The following TEKT3 variants were observed in gnomAD, a reference collection of about 807,000 sequenced individuals.
TEKT3 encodes the protein tektin-3.
In TEKT3, 49 loss-of-function variants were observed where a neutral mutation model predicts 49.8. The ratio of observed to expected loss-of-function variants is 0.98; its 90% CI spans 0.78 to 1.25. TEKT3 has a LOEUF of 1.25. Among genes scored for constraint, TEKT3 ranks in the 50% most tolerant of loss-of-function variants. The pLI is 0.00. For synonymous variants in TEKT3, 225 were observed against 237.2 expected (o/e 0.95, Z 0.47); for missense variants, 595 against 629.5 (o/e 0.95, Z 0.59).
chr17:15,319,995 C>T lies in TEKT3; in HGVS notation c.664-848G>A, dbSNP rs75041146. Among the ~76,000 whole-genome samples the T allele has an allele frequency of 3.8e-3, 581 of 152,256 alleles. 3 individuals are homozygous for T. The highest frequency in any genetic ancestry group is 6.4e-3 in the Non-Finnish European group (438 of 68,016). ...CATTAAAAAGTACTGTGATGAATGA[C>T]CTTGATCAATATTTAGACACCACCG... is the stretch of plus-strand genomic sequence containing the variant. On this transcript the variant is annotated intron_variant, in intron 4 of 8. Coordinates refer to ENST00000395930, the MANE Select transcript of TEKT3 (RefSeq NM_031898.3).
At chr17:15,343,377 T>C (rs1912291623), upstream of TEKT3, among the ~76,000 whole-genome samples, 1 of 152,158 alleles carries the variant, frequency 6.6e-6, no homozygotes, top group East Asian at 1.9e-4. Flanking sequence ...TCAAAAAAAA[T>C]TGTCTCATGA....
chr17:15,329,496 G>A (rs1911627759), intron 3 of TEKT3, among the ~76,000 whole-genome samples: 1 of 152,210 alleles, frequency 6.6e-6, no homozygotes, highest in South Asian at 2.1e-4. Context: ...ATTCTTAAAG[G>A]CAGTCAAGGG....
At chr17:15,342,821 C>G (rs1249921856), upstream of TEKT3, among the ~76,000 whole-genome samples, 1 of 152,220 alleles carries the variant, frequency 6.6e-6, no homozygotes, top group East Asian at 1.9e-4. Flanking sequence ...CAAGACTAGA[C>G]AAGGCTCCCA....
At chr17:15,337,393 G>GA (rs1238197272) in intron 2 of TEKT3, among the ~76,000 whole-genome samples, 5 of 151,888 alleles carry the variant, frequency 3.3e-5, no homozygotes, top group Admixed American at 2.0e-4. Flanking sequence ...ATAAGACAAA[G>GA]AAAAAACAGG....
chr17:15,320,628 C>A (rs1267303415), intron 4 of TEKT3, among the ~76,000 whole-genome samples: 1 of 152,016 alleles, frequency 6.6e-6, no homozygotes, highest in Non-Finnish European at 1.5e-5. Context: ...GAGTGATCAC[C>A]CTACTGTCTG....
chr17:15,310,342 C>A (rs951473952), intron 7 of TEKT3, among the ~76,000 whole-genome samples: 1 of 152,134 alleles, frequency 6.6e-6, no homozygotes, highest in African/African-American at 2.4e-5. Context: ...CCTCTTCCCC[C>A]AAAATTCCTA....
At chr17:15,335,895 G>A (rs916569735) in intron 2 of TEKT3, among the ~76,000 whole-genome samples, 1 of 150,860 alleles carries the variant, frequency 6.6e-6, no homozygotes, top group Admixed American at 6.7e-5. Context: ...AAATTAGTGA[G>A]CTCAGACTTT....
intron 2 of TEKT3, among the ~76,000 whole-genome samples, chr17:15,337,173 A>G (rs1022517803): frequency 9.2e-5 from 14 of 152,196 alleles, no homozygotes; most frequent in Middle Eastern, 6.8e-3. Context: ...AGTATAATAA[A>G]TACAATAGAT....
At position 15,314,142 on chromosome 17, in the gene TEKT3, G is replaced by C; in HGVS notation, c.823C>G (p.Arg275Gly). The C allele has an allele frequency of 6.2e-7, 1 of 1,614,198 alleles. No individual in the cohort carries two copies. The highest frequency in any genetic ancestry group is 8.5e-7 in the Non-Finnish European group (1 of 1,180,034). The change falls in exon 6 of 9, where the codon CGC (arginine) becomes GGC (glycine). Residue 275 changes from arginine to glycine, a missense_variant. Physicochemically the swap from Arg to Gly is moderately radical, Grantham distance 125. Transcript: ENST00000395930. Reference sequence around the variant, plus strand: ...TAGCCGACACCGTCTGATGTGTTGCGCAGGTGGTGGCATTTGTCGTCGATC... The same window carrying C: ...TAGCCGACACCGTCTGATGTGTTGCCCAGGTGGTGGCATTTGTCGTCGATC... The part of the protein sequence containing the change: ...YRIDDKCHHL[R>G]NTSDGVGYFR...
At chr17:15,321,739 A>G (rs1267450191) in intron 4 of TEKT3, among the ~76,000 whole-genome samples, 2 of 152,122 alleles carry the variant, frequency 1.3e-5, no homozygotes, top group African/African-American at 4.8e-5. Context: ...GACTTCATTG[A>G]GCTTCTCAGA....
At chr17:15,338,045 A>T (rs914377432) in intron 2 of TEKT3, among the ~76,000 whole-genome samples, 10 of 152,208 alleles carry the variant, frequency 6.6e-5, no homozygotes, top group Non-Finnish European at 1.3e-4. Context: ...GTAATCATTT[A>T]CCTAACTTTC....
At chr17:15,332,726 A>G (rs1449430962) in intron 2 of TEKT3, among the ~76,000 whole-genome samples, 4 of 152,210 alleles carry the variant, frequency 2.6e-5, no homozygotes, top group Non-Finnish European at 5.9e-5. Flanking sequence ...GGATTAGCAG[A>G]GTGTCGGACA....
chr17:15,314,160 C>T lies in TEKT3; in HGVS notation c.805G>A (p.Asp269Asn), dbSNP rs532026904. The stretch of plus-strand genomic sequence containing the variant: ...GTGTTGCGCAGGTGGTGGCATTTGT[C>T]GTCGATCCGGTAAGCCGTCTGTTTG... ...SDKQTAYRID[D>N]KCHHLRNTSD... Residue 269 changes from aspartate to asparagine, a missense_variant, in exon 6 of 9, where the codon GAC (aspartate) becomes AAC (asparagine). Asp to Asn is a conservative substitution (Grantham distance 23). Coordinates refer to ENST00000395930, the MANE Select transcript of TEKT3 (RefSeq NM_031898.3). The T allele has an allele frequency of 4.3e-6, 7 of 1,614,194 alleles. No homozygotes were observed. The highest frequency in any genetic ancestry group is 1.6e-4 in the Middle Eastern group (1 of 6,062).
chr17:15,313,942 C>CTGGAGACT, intron 6 of TEKT3, 145 bp downstream of exon 6: 1 of 1,108,772 alleles, frequency 9.0e-7, no homozygotes, highest in Non-Finnish European at 1.3e-6. Flanking sequence ...TGCTTGCTTA[C>CTGGAGACT]TGGAGACTTG....
intron 4 of TEKT3, among the ~76,000 whole-genome samples, chr17:15,320,423 T>C (rs532219267): frequency 6.6e-6 from 1 of 152,348 alleles, no homozygotes; most frequent in African/African-American, 2.4e-5. Flanking sequence ...GTTTTATAAA[T>C]GTGCGTGGTG....
chr17:15,318,196 A>G (rs997312821), intron 5 of TEKT3, among the ~76,000 whole-genome samples: 2 of 151,616 alleles, frequency 1.3e-5, no homozygotes, highest in Non-Finnish European at 1.5e-5. Context: ...TCATGGTGTT[A>G]GCCAGGATGG....
At chr17:15,341,088 T>G (rs1912209492) in intron 1 of TEKT3, among the ~76,000 whole-genome samples, 1 of 152,172 alleles carries the variant, frequency 6.6e-6, no homozygotes, top group African/African-American at 2.4e-5. Flanking sequence ...ACCAGGTGAT[T>G]GAACTCTCCT....
intron 7 of TEKT3, among the ~76,000 whole-genome samples, chr17:15,311,170 C>T (rs1910757040): frequency 6.6e-6 from 1 of 152,214 alleles, no homozygotes; most frequent in South Asian, 2.1e-4. Flanking sequence ...TCTCTCTGCT[C>T]TTCACAGCAT....
At chr17:15,314,345 C>T in intron 5 of TEKT3, 115 bp from the exon 6 acceptor site, 2 of 1,375,982 alleles carry the variant, frequency 1.5e-6, no homozygotes, top group Non-Finnish European at 2.0e-6. Flanking sequence ...ACCATCTCTC[C>T]CTCTTCACAC....
Sources: allele counts gnomAD v4.1 joint callset (sites outside exome capture counted in the v4.1 genomes callset), GRCh38; gene constraint gnomAD v4.1.1; transcripts MANE v1.5; gene names NCBI Gene and HGNC (gene_info 2026-07-23, HGNC 2026-07-21).